RAD51B: variants seen among roughly 807,000 people sequenced by gnomAD.
The protein encoded by RAD51B is DNA repair protein RAD51 homolog 2.
In RAD51B, 38 loss-of-function variants were observed where a neutral mutation model predicts 42.2. The ratio of observed to expected loss-of-function variants is 0.90; its 90% CI spans 0.70 to 1.18. The LOEUF (loss-of-function observed/expected upper bound fraction) is 1.18, where lower values mean the gene tolerates loss of function less well. Among genes scored for constraint, RAD51B ranks in the 50% most tolerant of loss-of-function variants. The pLI, the probability that RAD51B is intolerant of heterozygous loss-of-function variation, is 0.00. For missense variants in RAD51B, 373 were observed against 400.7 expected (o/e 0.93, Z 0.59); for synonymous variants, 154 against 145.2 (o/e 1.06, Z -0.43).
At chr14:68,339,527 A>C (rs2082529569) in intron 8 of RAD51B, 2 of 408,464 alleles carry the variant, frequency 4.9e-6, no homozygotes, top group Admixed American at 4.3e-5. Flanking sequence ...TCCTTTCAGC[A>C]TCTTGGGTGG....
chr14:68,052,172 A>T (rs990265102), intron 7 of RAD51B, among the ~76,000 whole-genome samples: 7 of 152,098 alleles, frequency 4.6e-5, no homozygotes, highest in African/African-American at 1.7e-4. Flanking sequence ...TACAAACAAC[A>T]CTTTGACATT....
At chr14:68,199,998 G>C (rs2079450565) in intron 7 of RAD51B, among the ~76,000 whole-genome samples, 1 of 152,166 alleles carries the variant, frequency 6.6e-6, no homozygotes, top group Non-Finnish European at 1.5e-5. Context: ...ACCCTTTGAT[G>C]TTTATATTGG....
At chr14:68,283,757 C>T (rs1224179231) in intron 7 of RAD51B, among the ~76,000 whole-genome samples, 1 of 152,222 alleles carries the variant, frequency 6.6e-6, no homozygotes, top group Non-Finnish European at 1.5e-5. Flanking sequence ...AACCATAGCT[C>T]TCCACACCTA....
At chr14:68,665,799 C>T (rs771911474) in intron 11 of RAD51B, among the ~76,000 whole-genome samples, 32 of 152,216 alleles carry the variant, frequency 2.1e-4, no homozygotes, top group Admixed American at 1.2e-3. Flanking sequence ...GGTACCCATG[C>T]CCCTGTTTCT....
At chr14:67,859,147 C>T (rs938671375) in intron 4 of RAD51B, among the ~76,000 whole-genome samples, 5 of 152,218 alleles carry the variant, frequency 3.3e-5, no homozygotes, top group Admixed American at 1.3e-4. Flanking sequence ...AGTTATAGTG[C>T]ATGAGGAAAG....
chr14:68,598,229 A>G (rs1259240133), downstream of RAD51B, among the ~76,000 whole-genome samples: 1 of 149,410 alleles, frequency 6.7e-6, no homozygotes, highest in Non-Finnish European at 1.5e-5. Context: ...CAGCACACCA[A>G]CTCAAACCTC....
chr14:68,156,455 T>TTCCCTCTCTCTCTC (rs2078508411), intron 7 of RAD51B, among the ~76,000 whole-genome samples: 1 of 114,266 alleles, frequency 8.8e-6, no homozygotes, highest in Non-Finnish European at 1.7e-5. Flanking sequence ...CTTAGAAAAT[T>TTCCCTCTCTCTCTC]TCTCTCTCTC....
At chr14:68,383,541 G>A (rs1387419533) in intron 8 of RAD51B, among the ~76,000 whole-genome samples, 1 of 152,050 alleles carries the variant, frequency 6.6e-6, no homozygotes, top group Non-Finnish European at 1.5e-5. Flanking sequence ...ACTCCTTCAG[G>A]ATATCCTCTT....
At chr14:68,089,112 C>T (rs2140511972) in intron 7 of RAD51B, among the ~76,000 whole-genome samples, 1 of 152,136 alleles carries the variant, frequency 6.6e-6, no homozygotes, top group Admixed American at 6.5e-5. Context: ...ATATCCTCTC[C>T]CCACTCTCAT....
At chr14:67,972,376 G>C (rs1382425763) in intron 7 of RAD51B, among the ~76,000 whole-genome samples, 1 of 152,054 alleles carries the variant, frequency 6.6e-6, no homozygotes, top group Non-Finnish European at 1.5e-5. Flanking sequence ...TGTGGTTTTA[G>C]AGTCTTAGGA....
rs542911470 is a variant in RAD51B at position 68,228,278 on chromosome 14, A to G, written c.757-63606A>G. Among the ~76,000 whole-genome samples the G allele has an allele frequency of 5.9e-5, 9 of 152,314 alleles. No individual in the cohort carries two copies. The East Asian group carries it at 1.5e-3, about 26-fold the overall frequency. On this transcript the variant is annotated intron_variant, in intron 7 of 10. Transcript: ENST00000471583. ...TAAAGATCATAATGGTTTCGGCCTT[A>G]CTAGTATGATTAGCTTAGTGAAAAT...
chr14:67,988,914 CAG>C (rs2075241738), intron 7 of RAD51B, among the ~76,000 whole-genome samples: 1 of 152,298 alleles, frequency 6.6e-6, no homozygotes, highest in Admixed American at 6.5e-5. Context: ...TATGAATTTA[CAG>C]AGTCATGTTT....
chr14:67,940,048 ATATATATTTTTTTTTTTTTTTTTTTTT>A (rs1422960598), intron 7 of RAD51B, among the ~76,000 whole-genome samples: 15 of 13,784 alleles, frequency 1.1e-3, no homozygotes, highest in African/African-American at 2.5e-3. Context: ...ATATATATAT[ATATATATTTTTTTTTTTTTTTTTTTTT>A]TTTTTTTTTT....
intron 7 of RAD51B, among the ~76,000 whole-genome samples, chr14:68,092,986 A>T (rs1296261475): frequency 2.0e-5 from 3 of 149,804 alleles, no homozygotes; most frequent in Non-Finnish European, 3.0e-5. Context: ...GGTTCTGTTT[A>T]TATGCTGGAT....
At chr14:67,925,879 T>A (rs1342852401) in intron 7 of RAD51B, among the ~76,000 whole-genome samples, 1 of 152,178 alleles carries the variant, frequency 6.6e-6, no homozygotes, top group African/African-American at 2.4e-5. Flanking sequence ...CTTGGCTTGA[T>A]CTCTCATTGG....
At chr14:68,599,907 G>T (rs1406357005), downstream of RAD51B, among the ~76,000 whole-genome samples, 1 of 152,214 alleles carries the variant, frequency 6.6e-6, no homozygotes, top group Non-Finnish European at 1.5e-5. Flanking sequence ...GCAGGTCCCA[G>T]GCCCTGGTCC....
At chr14:68,651,456 T>G (rs116871058) in intron 11 of RAD51B, among the ~76,000 whole-genome samples, 182 of 152,318 alleles carry the variant, frequency 1.2e-3, no homozygotes, top group Non-Finnish European at 2.0e-3. Context: ...TGAGCCAGCA[T>G]GCCCGGCCAC....
intron 7 of RAD51B, among the ~76,000 whole-genome samples, chr14:68,257,540 A>G (rs1386327099): frequency 6.6e-6 from 1 of 152,172 alleles, no homozygotes; most frequent in East Asian, 1.9e-4. Flanking sequence ...ATGATTTTGT[A>G]TATTAATAAG....
intron 7 of RAD51B, among the ~76,000 whole-genome samples, chr14:68,259,113 G>A (rs917565156): frequency 6.6e-6 from 1 of 152,202 alleles, no homozygotes; most frequent in Non-Finnish European, 1.5e-5. Context: ...CAGTGATTGA[G>A]GCTCTGCAAA....
Sources: allele counts gnomAD v4.1 joint callset (sites outside exome capture counted in the v4.1 genomes callset), GRCh38; gene constraint gnomAD v4.1.1; transcripts MANE v1.5; gene names NCBI Gene and HGNC (gene_info 2026-07-23, HGNC 2026-07-21).